The following VASH1 variants were observed in gnomAD, a reference collection of about 807,000 sequenced individuals.
VASH1 encodes vasohibin 1.
VASH1 carries 16 observed loss-of-function variants against 35.0 expected under a neutral mutation model. The ratio of observed to expected loss-of-function variants is 0.46; its 90% CI spans 0.31 to 0.70. The LOEUF (loss-of-function observed/expected upper bound fraction) is 0.70. Among genes scored for constraint, VASH1 ranks in the 30% least tolerant of loss-of-function variants. VASH1 has a pLI of 0.05. For synonymous variants in VASH1, 214 were observed against 200.9 expected (o/e 1.07, Z -0.55); for missense variants, 505 against 510.7 (o/e 0.99, Z 0.11).
intron 6 of VASH1, 32 bp from the exon 7 acceptor site, chr14:76,778,914 T>C (rs1367545375): frequency 6.2e-7 from 1 of 1,610,448 alleles, no homozygotes; most frequent in Non-Finnish European, 8.5e-7. Flanking sequence ...GACCACTCAC[T>C]CTCCTCCCGC....
intron 5 of VASH1, among the ~76,000 whole-genome samples, chr14:76,776,629 G>A (rs975586240): frequency 2.6e-5 from 4 of 152,136 alleles, no homozygotes; most frequent in African/African-American, 7.2e-5. Context: ...ACCATTAAAG[G>A]ACTAGGAGGT....
At chr14:76,771,970 G>A (rs917938028) in intron 3 of VASH1, among the ~76,000 whole-genome samples, 7 of 152,228 alleles carry the variant, frequency 4.6e-5, no homozygotes, top group Non-Finnish European at 7.3e-5. Context: ...GGCCAGGCAC[G>A]GTGGCTCACA....
chr14:76,775,094 G>A (rs1430500461), intron 4 of VASH1, among the ~76,000 whole-genome samples: 1 of 152,184 alleles, frequency 6.6e-6, no homozygotes, highest in African/African-American at 2.4e-5. Flanking sequence ...CTTGATGCTG[G>A]GCCCTGAAGA....
Position 76,763,117 on chromosome 14 carries a change from C to G in VASH1, c.296C>G (p.Thr99Arg), listed in dbSNP as rs1893547987. 3 of 1,480,524 alleles carry G rather than the reference C, an allele frequency of 2.0e-6. No homozygotes were observed. The East Asian group carries it at 7.5e-5, about 37-fold the overall frequency. 91.7% of individuals were successfully genotyped at this position (1,480,524 alleles called of 1,614,324 possible). A position where few individuals can be genotyped will look rare whatever the true frequency, so the allele number is the denominator to read the frequency against. Reference sequence around the variant, plus strand: ...GTGGCGCAACGGATCCGTGGGGCCACAGACCTGCCCAAGGTGAGACACACG... The same window carrying G: ...GTGGCGCAACGGATCCGTGGGGCCAGAGACCTGCCCAAGGTGAGACACACG... Reference protein sequence around the residue: ...EKVAQRIRGATDLPKIPIPSV... With the variant: ...EKVAQRIRGARDLPKIPIPSV... Residue 99 changes from threonine to arginine, a missense_variant, in exon 1 of 7, where the codon ACA becomes AGA. Transcript: ENST00000167106.
At position 76,779,108 on chromosome 14, in the gene VASH1, G is replaced by C. The variant is rs1894029863; in HGVS notation, c.*90G>C. The C allele has an allele frequency of 7.1e-7, 1 of 1,414,628 alleles. No homozygotes were observed. The highest frequency in any genetic ancestry group is 1.4e-5 in the African/African-American group (1 of 71,156). 87.6% of individuals were successfully genotyped at this position (1,414,628 alleles called of 1,614,324 possible). A position where few individuals can be genotyped will look rare whatever the true frequency, so the allele number is the denominator to read the frequency against. The stretch of plus-strand genomic sequence containing the variant: ...CCTTATGCATGGGGAAGGCGGGGCT[G>C]GTGACAAGGCAGGGCAAGAGGCTGC... On this transcript the variant is annotated 3_prime_UTR_variant, in exon 7 of 7. Transcript: ENST00000167106.
At chr14:76,770,285 C>A (rs371880248) in intron 2 of VASH1, among the ~76,000 whole-genome samples, 17 of 152,262 alleles carry the variant, frequency 1.1e-4, no homozygotes, top group Non-Finnish European at 2.5e-4. Flanking sequence ...TCTGCCACCC[C>A]CTTCCCGCTC....
chr14:76,763,153 G>T (rs765868624), intron 1 of VASH1, 23 bp downstream of exon 1: 3 of 1,426,742 alleles, frequency 2.1e-6, no homozygotes, highest in Admixed American at 2.8e-5. Flanking sequence ...GGTCAGGGGG[G>T]TGATAGCACA....
At chr14:76,764,953 A>G (rs1332624775) in intron 1 of VASH1, among the ~76,000 whole-genome samples, 2 of 152,038 alleles carry the variant, frequency 1.3e-5, no homozygotes, top group East Asian at 1.9e-4. Flanking sequence ...CAGCCTCCCA[A>G]AGTGCTGGGA....
rs1595284461 is a variant in VASH1 at position 76,782,022 on chromosome 14, T to C, written c.*3004T>C. On this transcript the variant is annotated 3_prime_UTR_variant, in exon 7 of 7. Transcript: ENST00000167106. ...GTGGGGGCTGCTGGCTGAGGAGGGG[T>C]CAAGGTGAGTTCAAGAAAGCTACCT... 6.6e-6 allele frequency: 1 copy of C among 152,236 alleles called. No homozygotes were observed. Among genetic ancestry groups the C allele is most frequent in the Non-Finnish European group, 1.5e-5 (1 of 68,206 alleles). The allele number at this position is 152,236 out of a possible 1,614,324, so 9.4% of individuals were successfully genotyped here.
At chr14:76,770,387 C>A (rs1381353523) in intron 2 of VASH1, among the ~76,000 whole-genome samples, 1 of 152,112 alleles carries the variant, frequency 6.6e-6, no homozygotes, top group Non-Finnish European at 1.5e-5. Flanking sequence ...CTGTTGTCCA[C>A]CCAGCCCTAG....
At chr14:76,771,147 C>T (rs779365879) in intron 2 of VASH1, 43 bp from the exon 3 acceptor site, 1 of 1,504,824 alleles carries the variant, frequency 6.6e-7, no homozygotes, top group African/African-American at 1.4e-5. Flanking sequence ...GAGGGTCAAC[C>T]TCCTTCAGGC....
At chr14:76,775,013 C>T (rs914746730) in intron 4 of VASH1, 2 of 152,254 alleles carry the variant, frequency 1.3e-5, no homozygotes, top group Non-Finnish European at 2.9e-5. Flanking sequence ...GTCTGCTACA[C>T]GCTTCTATCC....
intron 3 of VASH1, among the ~76,000 whole-genome samples, chr14:76,772,582 C>T (rs1893821383): frequency 6.6e-6 from 1 of 152,206 alleles, no homozygotes; most frequent in Non-Finnish European, 1.5e-5. Flanking sequence ...CTTAAAATGG[C>T]CTGAATTCCA....
Position 76,777,878 on chromosome 14 carries a change from G to A in VASH1, c.913-81G>A, listed in dbSNP as rs1041008833. On this transcript the variant is annotated intron_variant, in intron 5 of 6. Transcript: ENST00000167106. Reference sequence around the variant, plus strand: ...CGGGCCTTCCCCAGGGCAGCCTCCAGGGACCTGTGGCTCCTGGAAGGAGAG... The same window carrying A: ...CGGGCCTTCCCCAGGGCAGCCTCCAAGGACCTGTGGCTCCTGGAAGGAGAG... 6.2e-6 allele frequency: 7 copies of A among 1,127,936 alleles called. No homozygotes were observed. The Admixed American group carries it at 2.9e-4, about 46-fold the overall frequency. The allele number at this position is 1,127,936 out of a possible 1,614,324, so 69.9% of individuals were successfully genotyped here. A position where few individuals can be genotyped will look rare whatever the true frequency, so the allele number is the denominator to read the frequency against.
At chr14:76,763,892 A>G (rs1374566182) in intron 1 of VASH1, among the ~76,000 whole-genome samples, 2 of 152,220 alleles carry the variant, frequency 1.3e-5, no homozygotes, top group Admixed American at 6.5e-5. Context: ...TTGTCTTCCC[A>G]AGGCCTCCTG....
chr14:76,775,319 C>T (rs1247580843), intron 4 of VASH1, among the ~76,000 whole-genome samples: 3 of 151,898 alleles, frequency 2.0e-5, no homozygotes, highest in Admixed American at 6.5e-5. Context: ...TGGGAGGCCC[C>T]GGGGGCTGGA....
chr14:76,766,422 A>T (rs983582954), intron 1 of VASH1, among the ~76,000 whole-genome samples: 1 of 152,042 alleles, frequency 6.6e-6, no homozygotes, highest in Non-Finnish European at 1.5e-5. Context: ...CTAGCTACTT[A>T]TTATGACTCC....
rs1566686739 is a variant in VASH1 at position 76,776,123 on chromosome 14, C to G, written c.762C>G (p.Leu254=). The change falls in exon 5 of 7, where the codon CTC becomes CTG. Residue 254 remains leucine, a synonymous_variant. Coordinates refer to ENST00000167106, the MANE Select transcript of VASH1 (RefSeq NM_014909.5). ...CCTACGGCCGCTGCTGGCACGTGCT[C>G]AAGAAGGTGAAGCTGGGCCAGAGCG... ...EAAYGRCWHV[L]KKVKLGQSVS... 1.2e-6 allele frequency: 2 copies of G among 1,609,778 alleles called. No homozygotes were observed. The highest frequency in any genetic ancestry group is 1.3e-5 in the African/African-American group (1 of 75,050).
chr14:76,773,384 T>G lies in VASH1; in HGVS notation c.530+173T>G, dbSNP rs1165757087. 7.8e-6 allele frequency: 5 copies of G among 637,298 alleles called. No individual in the cohort carries two copies. In the South Asian group the frequency reaches 8.2e-5, roughly 10 times the overall value. The allele number at this position is 637,298 out of a possible 1,614,324, so 39.5% of individuals were successfully genotyped here. On this transcript the variant is annotated intron_variant, in intron 4 of 6. Coordinates refer to ENST00000167106, the MANE Select transcript of VASH1 (RefSeq NM_014909.5). ...ACTAAAGTGGAAGAACCCCCCAAAA[T>G]GGAGGAGCCCCGAGGTCCCAGTACC...
Sources: allele counts gnomAD v4.1 joint callset (sites outside exome capture counted in the v4.1 genomes callset), GRCh38; gene constraint gnomAD v4.1.1; transcripts MANE v1.5; gene names NCBI Gene and HGNC (gene_info 2026-07-23, HGNC 2026-07-21).